Variants in TMEM202 observed in about 807,000 individuals in gnomAD.
The protein encoded by TMEM202 is transmembrane protein 202.
A neutral mutation model predicts 26.1 loss-of-function variants in TMEM202; 25 were observed. The ratio of observed to expected loss-of-function variants is 0.96; its 90% CI spans 0.70 to 1.34. The LOEUF (loss-of-function observed/expected upper bound fraction) is 1.34, where lower values mean the gene tolerates loss of function less well. TMEM202 is among the 40% of genes most tolerant of loss of function. The probability of loss-of-function intolerance (pLI) is 0.00; values close to 1 mark genes in which losing one functional copy is unlikely to be tolerated. For missense variants in TMEM202, 301 were observed against 327.7 expected (o/e 0.92, Z 0.63); for synonymous variants, 122 against 119.0 (o/e 1.02, Z -0.16).
chr15:72,401,576 A>C (rs540146040), intron 2 of TMEM202, among the ~76,000 whole-genome samples: 1 of 152,222 alleles, frequency 6.6e-6, no homozygotes, highest in Non-Finnish European at 1.5e-5. Context: ...TAGAATCCCG[A>C]AATTATGTCA....
At chr15:72,403,852 G>A (rs577159303) in intron 2 of TMEM202, among the ~76,000 whole-genome samples, 2 of 152,292 alleles carry the variant, frequency 1.3e-5, no homozygotes, top group Admixed American at 6.5e-5. Context: ...GGGAAGGTTA[G>A]ACTCTTCTAT....
chr15:72,407,145 G>A lies in TMEM202; in HGVS notation c.547G>A (p.Asp183Asn), dbSNP rs750514381. ...GGCACAGGTTCACTGGCATACTAGG[G>A]ATGCCATGGAGTCAGATCTCCTATG... is the stretch of plus-strand genomic sequence containing the variant. ...FVAQVHWHTR[D>N]AMESDLLWTY... Residue 183 changes from aspartate (D) to asparagine (N), a missense_variant, in exon 4 of 5, where the codon GAT becomes AAT. Asp to Asn is a conservative substitution (Grantham distance 23). Transcript: ENST00000341689. The A allele has an allele frequency of 7.4e-6, 12 of 1,612,542 alleles. No individual in the cohort carries two copies. The South Asian group carries it at 1.1e-4, about 15-fold the overall frequency.
At chr15:72,399,804 T>C (rs967085752) in intron 2 of TMEM202, among the ~76,000 whole-genome samples, 4 of 152,256 alleles carry the variant, frequency 2.6e-5, no homozygotes, top group African/African-American at 9.6e-5. Flanking sequence ...AGAGGAAAGA[T>C]ATCATTACAC....
chr15:72,405,533 T>A (rs546766942), intron 2 of TMEM202, among the ~76,000 whole-genome samples: 1 of 152,014 alleles, frequency 6.6e-6, no homozygotes, highest in African/African-American at 2.4e-5. Context: ...GAGCCAAAGA[T>A]GGAAGAAGGA....
chr15:72,402,950 G>T (rs1254832158), intron 2 of TMEM202, among the ~76,000 whole-genome samples: 1 of 152,166 alleles, frequency 6.6e-6, no homozygotes, highest in Non-Finnish European at 1.5e-5. Context: ...GCCTGGAGAA[G>T]TTGTATGTTG....
Position 72,407,975 on chromosome 15 carries a change from C to T in TMEM202, c.*82C>T. 8.7e-7 allele frequency: 1 copy of T among 1,146,646 alleles called. No individual in the cohort carries two copies. The highest frequency in any genetic ancestry group is 1.4e-5 in the South Asian group (1 of 71,318). The allele number at this position is 1,146,646 out of a possible 1,614,324, so 71.0% of individuals were successfully genotyped here. On this transcript the variant is annotated 3_prime_UTR_variant, in exon 5 of 5. Coordinates refer to ENST00000341689, the MANE Select transcript of TMEM202 (RefSeq NM_001080462.3). ...GGTCACATAAATTCTGGGAAACTCT[C>T]CTAATATCATGTCCATATTACTTGA...
Position 72,399,776 on chromosome 15 carries a change from C to T in TMEM202, c.337+868C>T, listed in dbSNP as rs367834217. 7.9e-5 allele frequency among the ~76,000 whole-genome samples: 12 copies of T among 152,276 alleles called. No homozygotes were observed. The East Asian group carries it at 1.9e-3, about 24-fold the overall frequency. On this transcript the variant is annotated intron_variant, in intron 2 of 4. Transcript: ENST00000341689. ...AAAAATAACATATGCATGAATTTTTCAATCAAACCAAAAACTTAGAGGAAA... is the reference window on the plus strand; with the variant it reads ...AAAAATAACATATGCATGAATTTTTTAATCAAACCAAAAACTTAGAGGAAA...
intron 1 of TMEM202, 58 bp from the exon 2 acceptor site, chr15:72,398,595 G>T: frequency 6.3e-7 from 1 of 1,592,464 alleles, no homozygotes; most frequent in South Asian, 1.1e-5. Context: ...AAGAGCGGGT[G>T]ACCCTGGGGA....
chr15:72,398,314 A>C lies in TMEM202; in HGVS notation c.-13A>C. 6.2e-7 allele frequency: 1 copy of C among 1,607,544 alleles called. No homozygotes were observed. Among genetic ancestry groups the C allele is most frequent in the East Asian group, 2.2e-5 (1 of 44,842 alleles). ...AGACAAATTCCGTGGCAGTTAGAGA[A>C]CTAACTGCCAAGATGGAGCGAAGGG... On this transcript the variant is annotated 5_prime_UTR_variant, in exon 1 of 5. Transcript: ENST00000341689.
intron 2 of TMEM202, among the ~76,000 whole-genome samples, chr15:72,404,472 G>A (rs2053565575): frequency 6.6e-6 from 1 of 152,086 alleles, no homozygotes; most frequent in South Asian, 2.1e-4. Flanking sequence ...GACTCCCAAG[G>A]CAGGAAGTTC....
intron 2 of TMEM202, among the ~76,000 whole-genome samples, 155 bp from the exon 3 acceptor site, chr15:72,406,447 T>C (rs2063571873): frequency 6.6e-6 from 1 of 152,200 alleles, no homozygotes; most frequent in African/African-American, 2.4e-5. Context: ...TTAACAATCA[T>C]AGTAAAGAAA....
At chr15:72,399,157 G>C (rs903847433) in intron 2 of TMEM202, among the ~76,000 whole-genome samples, 1 of 151,990 alleles carries the variant, frequency 6.6e-6, no homozygotes, top group Non-Finnish European at 1.5e-5. Context: ...TTGGTTTTTC[G>C]AGACAGGCTC....
intron 2 of TMEM202, among the ~76,000 whole-genome samples, chr15:72,401,415 G>A (rs1595824354): frequency 1.3e-5 from 2 of 152,088 alleles, no homozygotes; most frequent in African/African-American, 4.8e-5. Flanking sequence ...GTGGTAGTGG[G>A]CACCTGCAAT....
intron 1 of TMEM202, 102 bp downstream of exon 1, chr15:72,398,509 T>C: frequency 7.1e-7 from 1 of 1,412,210 alleles, no homozygotes; most frequent in East Asian, 2.4e-5. Flanking sequence ...ACCCTGAAAA[T>C]TGTGGGGTTT....
intron 2 of TMEM202, among the ~76,000 whole-genome samples, chr15:72,400,802 GA>G (rs1160129846): frequency 2.6e-5 from 4 of 152,196 alleles, no homozygotes; most frequent in Non-Finnish European, 5.9e-5. Flanking sequence ...TACTCCATAG[GA>G]AGAGGAGCCC....
Position 72,398,823 on chromosome 15 carries a change from G to A in TMEM202, c.252G>A (p.Val84=). The A allele has an allele frequency of 6.2e-7, 1 of 1,614,156 alleles. No individual in the cohort carries two copies. Among genetic ancestry groups the A allele is most frequent in the East Asian group, 2.2e-5 (1 of 44,884 alleles). ...MSPLNWVQFL[V]IKNGLELYAG... The stretch of plus-strand genomic sequence containing the variant: ...CACTGAACTGGGTACAGTTTCTGGT[G>A]ATCAAGAATGGCCTTGAGCTCTACG... The change falls in exon 2 of 5, where the codon GTG becomes GTA. Residue 84 remains valine (V), a synonymous_variant. Transcript: ENST00000341689.
intron 2 of TMEM202, among the ~76,000 whole-genome samples, chr15:72,401,420 T>A (rs1270514279): frequency 1.3e-5 from 2 of 152,122 alleles, no homozygotes; most frequent in Admixed American, 6.5e-5. Context: ...AGTGGGCACC[T>A]GCAATCCCAG....
At position 72,408,012 on chromosome 15, in the gene TMEM202, T is replaced by A; in HGVS notation, c.*119T>A. On this transcript the variant is annotated 3_prime_UTR_variant, in exon 5 of 5. Coordinates refer to ENST00000341689, the MANE Select transcript of TMEM202 (RefSeq NM_001080462.3). ...TCCATATTACTTGAGGAGACAGCATTAAAGCTGATGAAATGTCTTTTGCGT... is the reference window on the plus strand; with the variant it reads ...TCCATATTACTTGAGGAGACAGCATAAAAGCTGATGAAATGTCTTTTGCGT... The A allele has an allele frequency of 3.9e-6, 3 of 761,588 alleles. No homozygotes were observed. Among genetic ancestry groups the A allele is most frequent in the Non-Finnish European group, 4.2e-6 (2 of 478,104 alleles). 47.2% of individuals were successfully genotyped at this position (761,588 alleles called of 1,614,324 possible). A position where few individuals can be genotyped will look rare whatever the true frequency, so the allele number is the denominator to read the frequency against.
chr15:72,398,686 T>A lies in TMEM202; in HGVS notation c.115T>A (p.Ser39Thr), dbSNP rs908331857. The change falls in exon 2 of 5, where the codon TCG becomes ACG. Residue 39 changes from serine (S) to threonine (T), a missense_variant. Ser to Thr is a moderately conservative substitution (Grantham distance 58, BLOSUM62 1). Transcript: ENST00000341689. ...TVPAKKHPSA[S>T]MSCQRQQQLM... The stretch of plus-strand genomic sequence containing the variant: ...CCCTGCCAAGAAACATCCAAGTGCC[T>A]CGATGTCATGCCAAAGGCAGCAGCA... 6.2e-7 allele frequency: 1 copy of A among 1,614,032 alleles called. No individual in the cohort carries two copies. The highest frequency in any genetic ancestry group is 1.7e-5 in the Admixed American group (1 of 59,992).
Sources: gnomAD v4.1 joint callset for allele counts (sites outside exome capture counted in the v4.1 genomes callset) on GRCh38, gnomAD v4.1.1 for gene constraint, MANE v1.5 for transcripts, NCBI Gene and HGNC (gene_info 2026-07-23, HGNC 2026-07-21) for gene names.